Variants in TBL1Y observed in about 807,000 individuals in gnomAD.
TBL1Y encodes transducin beta like 1 Y-linked, also known as F-box-like/WD repeat-containing protein TBL1Y.
In TBL1Y, 15 loss-of-function variants were observed where a neutral mutation model predicts 12.0. The observed-to-expected ratio is 1.25, with a 90% CI of 0.83 to 1.92. TBL1Y has a LOEUF of 1.92. Among genes scored for constraint, TBL1Y ranks in the 40% most tolerant of loss-of-function variants. The pLI, the probability that TBL1Y is intolerant of heterozygous loss-of-function variation, is 0.00. For synonymous variants in TBL1Y, 53 were observed against 42.6 expected (o/e 1.24, Z -0.95); for missense variants, 148 against 116.7 (o/e 1.27, Z -1.24).
intron 3 of TBL1Y, among the ~76,000 whole-genome samples, chrY:6,983,958 T>C: frequency 3.1e-5 from 1 of 32,440 alleles, no homozygotes; most frequent in Admixed American, 2.8e-4. Context: ...ATCATGGGAG[T>C]TTGTTAGGAT....
intron 4 of TBL1Y, among the ~76,000 whole-genome samples, chrY:6,997,399 C>G: frequency 3.2e-5 from 1 of 31,691 alleles, no homozygotes; most frequent in Non-Finnish European, 7.6e-5. Flanking sequence ...GCCTGGGTGA[C>G]AGAGCAAGAC....
intron 6 of TBL1Y, among the ~76,000 whole-genome samples, chrY:7,026,435 G>A: frequency 3.0e-5 from 1 of 33,555 alleles, no homozygotes; most frequent in African/African-American, 1.2e-4. Context: ...CCCAGAGGTG[G>A]CTGCAAATGG....
At chrY:7,074,335 G>A in intron 12 of TBL1Y, among the ~76,000 whole-genome samples, 1 of 33,281 alleles carries the variant, frequency 3.0e-5, no homozygotes, top group Non-Finnish European at 7.4e-5. Flanking sequence ...TTAGGCGTAT[G>A]GGAGTGAAAT....
At chrY:6,932,589 C>G in intron 2 of TBL1Y, among the ~76,000 whole-genome samples, 1 of 33,436 alleles carries the variant, frequency 3.0e-5, no homozygotes, top group South Asian at 6.8e-4. Flanking sequence ...TCTCCTGTCT[C>G]AGCCTCCTGA....
chrY:6,994,716 G>C (rs751416867), intron 3 of TBL1Y, among the ~76,000 whole-genome samples: 1 of 33,759 alleles, frequency 3.0e-5, no homozygotes, highest in South Asian at 6.8e-4. Context: ...TCAAGTCCAT[G>C]AGTTTGGATC....
At chrY:6,999,543 G>C (rs1055648388) in intron 4 of TBL1Y, among the ~76,000 whole-genome samples, 1 of 31,914 alleles carries the variant, frequency 3.1e-5, no homozygotes, top group Non-Finnish European at 7.6e-5. Context: ...CACCTTCCCT[G>C]CTTTCCAAGC....
chrY:6,919,879 G>C (rs2011763734), intron 2 of TBL1Y: 2 of 33,778 alleles, frequency 5.9e-5, no homozygotes, highest in African/African-American at 2.3e-4. Context: ...GGTAAACTTT[G>C]CCTTGCTGAG....
chrY:7,089,661 A>G, intron 17 of TBL1Y, among the ~76,000 whole-genome samples: 4 of 33,268 alleles, frequency 1.2e-4, no homozygotes, highest in Non-Finnish European at 2.2e-4. Context: ...ATGGTCACAC[A>G]TGCTTGTAAT....
At chrY:6,973,410 G>T (rs774964575) in intron 2 of TBL1Y, among the ~76,000 whole-genome samples, 1 of 33,018 alleles carries the variant, frequency 3.0e-5, no homozygotes, top group Non-Finnish European at 7.4e-5. Context: ...CCCCTGAGTG[G>T]CTCTCATTCA....
At chrY:7,075,194 G>T (rs747337490) in intron 13 of TBL1Y, among the ~76,000 whole-genome samples, 1 of 32,985 alleles carries the variant, frequency 3.0e-5, no homozygotes, top group East Asian at 8.3e-4. Flanking sequence ...AGAGGACATG[G>T]GTCCTGCAGG....
At chrY:6,975,487 C>T (rs2012232022) in intron 2 of TBL1Y, among the ~76,000 whole-genome samples, 1 of 32,808 alleles carries the variant, frequency 3.0e-5, no homozygotes, top group African/African-American at 1.2e-4. Flanking sequence ...TCTTCTTTTC[C>T]TTAGCGGGGA....
At chrY:6,977,903 C>G in intron 2 of TBL1Y, among the ~76,000 whole-genome samples, 1 of 33,365 alleles carries the variant, frequency 3.0e-5, no homozygotes, top group Non-Finnish European at 7.4e-5. Flanking sequence ...TATACTGCAA[C>G]GGAGACAGGA....
intron 14 of TBL1Y, among the ~76,000 whole-genome samples, chrY:7,082,654 T>A: frequency 3.0e-5 from 1 of 33,288 alleles, no homozygotes; most frequent in African/African-American, 1.2e-4. Flanking sequence ...CCTGGGATAA[T>A]TCATGGCACC....
At chrY:7,059,598 G>A in intron 7 of TBL1Y, among the ~76,000 whole-genome samples, 1 of 33,245 alleles carries the variant, frequency 3.0e-5, no homozygotes, top group Non-Finnish European at 7.4e-5. Context: ...AGAAATTCTA[G>A]GAGTGGTACC....
At chrY:7,073,002 C>T in intron 12 of TBL1Y, among the ~76,000 whole-genome samples, 1 of 34,264 alleles carries the variant, frequency 2.9e-5, no homozygotes. Flanking sequence ...TTTGTTTTTA[C>T]ATCAATTTGT....
chrY:6,936,166 G>T (rs2011901782), intron 2 of TBL1Y, among the ~76,000 whole-genome samples: 1 of 34,399 alleles, frequency 2.9e-5, no homozygotes, highest in African/African-American at 1.1e-4. Context: ...CTCAGGGTAG[G>T]TGGCTTGGGT....
At chrY:6,923,970 C>T in intron 2 of TBL1Y, among the ~76,000 whole-genome samples, 1 of 32,075 alleles carries the variant, frequency 3.1e-5, no homozygotes, top group African/African-American at 1.2e-4. Flanking sequence ...TGCCACTATG[C>T]CCTGCTTTAA....
chrY:7,058,872 C>T, intron 7 of TBL1Y, among the ~76,000 whole-genome samples: 1 of 32,985 alleles, frequency 3.0e-5, no homozygotes, highest in African/African-American at 1.2e-4. Flanking sequence ...AGAAGGGAAC[C>T]GGGCTTAGGA....
At chrY:7,022,111 C>T (rs773837720) in intron 5 of TBL1Y, among the ~76,000 whole-genome samples, 4 of 32,889 alleles carry the variant, frequency 1.2e-4, no homozygotes, top group Non-Finnish European at 3.0e-4. Context: ...AAGTTGAAAC[C>T]GATACCCAAA....
Sources: allele counts gnomAD v4.1 joint callset (sites outside exome capture counted in the v4.1 genomes callset), GRCh38; gene constraint gnomAD v4.1.1; transcripts MANE v1.5; gene names NCBI Gene and HGNC (gene_info 2026-07-23, HGNC 2026-07-21).